Variants in CHI3L2 observed in about 807,000 individuals in gnomAD.
CHI3L2 encodes chitinase-3-like protein 2.
CHI3L2 carries 47 observed loss-of-function variants against 47.3 expected under a neutral mutation model. That is an observed-to-expected ratio of 0.99 (90% CI 0.79 to 1.27). The LOEUF is 1.27. CHI3L2 is among the 50% of genes most tolerant of loss of function. The pLI is 0.00. For missense variants in CHI3L2, 497 were observed against 462.1 expected (o/e 1.08, Z -0.69); for synonymous variants, 198 against 169.9 (o/e 1.17, Z -1.28).
intron 7 of CHI3L2, among the ~76,000 whole-genome samples, chr1:111,237,636 C>G (rs943105723): frequency 2.0e-5 from 3 of 152,170 alleles, no homozygotes; most frequent in Admixed American, 6.5e-5. Context: ...ATATCTTTGT[C>G]TTCTCTAACC....
At chr1:111,232,742 T>C (rs1420291214) in intron 4 of CHI3L2, among the ~76,000 whole-genome samples, 3 of 152,202 alleles carry the variant, frequency 2.0e-5, no homozygotes, top group Non-Finnish European at 2.9e-5. Context: ...ATATACAAAC[T>C]TGCTTCTAAG....
intron 8 of CHI3L2, among the ~76,000 whole-genome samples, chr1:111,240,702 G>A (rs1473785065): frequency 1.3e-5 from 2 of 152,148 alleles, no homozygotes; most frequent in East Asian, 3.8e-4. Flanking sequence ...ATGTGATGTT[G>A]AAATGCATTG....
Position 111,234,981 on chromosome 1 carries a change from A to G in CHI3L2, c.404A>G (p.His135Arg). The G allele has an allele frequency of 1.9e-6, 3 of 1,614,204 alleles. No individual in the cohort carries two copies. The highest frequency in any genetic ancestry group is 2.5e-6 in the Non-Finnish European group (3 of 1,180,022). Reference sequence around the variant, plus strand: ...TCCATAATCCTGTTTCTGAGGAACCATAACTTTGATGGACTGGATGTAAGC... The same window carrying G: ...TCCATAATCCTGTTTCTGAGGAACCGTAACTTTGATGGACTGGATGTAAGC... ...INSIILFLRN[H>R]NFDGLDVSWI... Residue 135 changes from histidine to arginine, a missense_variant, in exon 5 of 11, where the codon CAT becomes CGT. Transcript: ENST00000369748.
rs1286467161 is a variant in CHI3L2, at chr1:111,238,737, C to T, written c.736-13C>T. The T allele has an allele frequency of 1.2e-6, 2 of 1,613,140 alleles. No individual in the cohort carries two copies. The highest frequency in any genetic ancestry group is 1.7e-6 in the Non-Finnish European group (2 of 1,179,524). ...CCCCACACTCTGAGCCTCCATCTCT[C>T]TTCCCATTCTAGGAATATGCTGTGG... is the stretch of plus-strand genomic sequence containing the variant. On this transcript the variant is annotated splice_polypyrimidine_tract_variant and intron_variant, in intron 7 of 10. Coordinates refer to ENST00000369748, the MANE Select transcript of CHI3L2 (RefSeq NM_004000.3).
intron 2 of CHI3L2, 37 bp downstream of exon 2, chr1:111,229,918 T>G: frequency 1.9e-6 from 3 of 1,611,744 alleles, no homozygotes; most frequent in African/African-American, 1.3e-5. Context: ...CTGGATCTCC[T>G]GGCTTGGGTG....
chr1:111,233,993 G>A (rs1420976824), intron 4 of CHI3L2, among the ~76,000 whole-genome samples: 1 of 150,772 alleles, frequency 6.6e-6, no homozygotes, highest in Non-Finnish European at 1.5e-5. Context: ...CTTGAAGGCA[G>A]CATGCTCGTT....
chr1:111,227,910 C>T, intron 1 of CHI3L2, 141 bp downstream of exon 1: 1 of 813,428 alleles, frequency 1.2e-6, no homozygotes, highest in Non-Finnish European at 2.0e-6. Context: ...CAAGCCAATG[C>T]AACTGTTGTA....
intron 9 of CHI3L2, 82 bp downstream of exon 9, chr1:111,241,525 AG>A (rs1284684075): frequency 1.3e-6 from 1 of 758,824 alleles, no homozygotes; most frequent in Non-Finnish European, 2.3e-6. Flanking sequence ...ATGTTCAAAG[AG>A]AGAAGCTTCT....
intron 4 of CHI3L2, among the ~76,000 whole-genome samples, chr1:111,232,706 C>G (rs1301041063): frequency 6.6e-6 from 1 of 152,136 alleles, no homozygotes; most frequent in Non-Finnish European, 1.5e-5. Context: ...GTGCCAGGTG[C>G]TGTGCAGAAT....
chr1:111,242,548 T>C (rs1262078973), intron 10 of CHI3L2, 182 bp downstream of exon 10: 1 of 467,334 alleles, frequency 2.1e-6, no homozygotes. Flanking sequence ...CCATAGACTT[T>C]TAAAGTAATA....
chr1:111,234,525 G>T (rs537149719), intron 4 of CHI3L2, among the ~76,000 whole-genome samples: 10 of 152,300 alleles, frequency 6.6e-5, no homozygotes, highest in African/African-American at 2.2e-4. Context: ...GGGGTTTCTG[G>T]CTAAACTGAC....
chr1:111,242,193 C>G (rs370082638), intron 9 of CHI3L2, 34 bp from the exon 10 acceptor site: 6 of 1,613,554 alleles, frequency 3.7e-6, no homozygotes, highest in Non-Finnish European at 5.1e-6. Flanking sequence ...GGCCACCCTT[C>G]GAATCTCTGT....
intron 9 of CHI3L2, 112 bp downstream of exon 9, chr1:111,241,555 A>G: frequency 1.5e-6 from 1 of 656,900 alleles, no homozygotes; most frequent in Middle Eastern, 2.7e-4. Context: ...AGACTCTAGG[A>G]TGGGATCCAG....
At chr1:111,237,137 G>A (rs781241788) in intron 7 of CHI3L2, among the ~76,000 whole-genome samples, 2 of 152,190 alleles carry the variant, frequency 1.3e-5, no homozygotes, top group Admixed American at 6.5e-5. Flanking sequence ...GCCTTTGGCC[G>A]CATGACTCCT....
chr1:111,235,749 T>G lies in CHI3L2; in HGVS notation c.591T>G (p.Val197=). 6.2e-7 allele frequency: 1 copy of G among 1,613,842 alleles called. No homozygotes were observed. The highest frequency in any genetic ancestry group is 1.1e-5 in the South Asian group (1 of 91,008). ...AAATGATTGATAACAGCTATCAAGT[T>G]GAGAAACTGGCAAAGTGAGTACATC... is the stretch of plus-strand genomic sequence containing the variant. ...GRQMIDNSYQ[V]EKLAKDLDFI... The change falls in exon 6 of 11, where the codon GTT becomes GTG. Residue 197 remains valine (V), a synonymous_variant. Transcript: ENST00000369748.
rs1306360037 is a variant in CHI3L2, at chr1:111,242,350, C to G, written c.1159C>G (p.Leu387Val). 2 of 1,608,632 alleles carry G rather than the reference C, an allele frequency of 1.2e-6. No individual in the cohort carries two copies. The highest frequency in any genetic ancestry group is 1.7e-6 in the Non-Finnish European group (2 of 1,177,302). The change falls in exon 10 of 11, where the codon CTT becomes GTT. Residue 387 changes from leucine (L) to valine (V), a missense_variant. Coordinates refer to ENST00000369748, the MANE Select transcript of CHI3L2 (RefSeq NM_004000.3). ...TCTTGTCCAAGCAGTCAAGAGAAGC[C>G]TTGGCTCCCTGTGAAGGTAACAGTC... ...YPLVQAVKRS[L>V]GSL
intron 1 of CHI3L2, among the ~76,000 whole-genome samples, chr1:111,228,660 C>T (rs922586300): frequency 3.9e-5 from 6 of 152,234 alleles, no homozygotes; most frequent in Non-Finnish European, 8.8e-5. Context: ...AACAGTAGAG[C>T]CCTGTTTTCC....
rs1027626759 is a variant in CHI3L2, at chr1:111,238,697, C to T, written c.736-53C>T. 47 of 1,579,866 alleles carry T rather than the reference C, an allele frequency of 3.0e-5. No individual in the cohort carries two copies. The African/African-American group carries it at 3.1e-4, about 10-fold the overall frequency. ...GTTTGGGATAGAGGCTAAAAAAGGT[C>T]TGACACCTTTCTTTCCCCACACTCT... On this transcript the variant is annotated intron_variant, in intron 7 of 10. Transcript: ENST00000369748.
intron 7 of CHI3L2, among the ~76,000 whole-genome samples, chr1:111,238,287 C>T (rs1659940803): frequency 6.6e-6 from 1 of 152,184 alleles, no homozygotes; most frequent in Admixed American, 6.5e-5. Flanking sequence ...GAATAAATCT[C>T]TTCAAATATT....
Sources: allele counts gnomAD v4.1 joint callset (sites outside exome capture counted in the v4.1 genomes callset), GRCh38; gene constraint gnomAD v4.1.1; transcripts MANE v1.5; gene names NCBI Gene and HGNC (gene_info 2026-07-23, HGNC 2026-07-21).